The following BEST2 variants were observed in gnomAD, a reference collection of about 807,000 sequenced individuals.
BEST2 encodes bestrophin 2, also known as bestrophin-2a.
Under a neutral mutation model 49.0 loss-of-function variants are expected in BEST2, and 36 were observed. The ratio of observed to expected loss-of-function variants is 0.73; its 90% confidence interval spans 0.56 to 0.97. BEST2 has a LOEUF of 0.97. Ranked by LOEUF, BEST2 falls within the 50% of genes least tolerant of loss-of-function variation. The pLI, the probability that BEST2 is intolerant of heterozygous loss-of-function variation, is 0.00. For synonymous variants in BEST2, 335 were observed against 304.4 expected, an observed-to-expected ratio of 1.10 and a Z score of -1.05; for missense variants, 672 against 710.0, an observed-to-expected ratio of 0.95 and a Z score of 0.61.
At chr19:12,756,864 C>T (rs970841012) in intron 9 of BEST2, among the ~76,000 whole-genome samples, 3 of 151,702 alleles carry the variant, frequency 2.0e-5, no homozygotes, top group Admixed American at 1.3e-4. Context: ...AAAATAAAGG[C>T]CAGGCGCAGT....
Position 12,753,347 on chromosome 19 carries a change from C to T in BEST2, c.240C>T (p.Phe80=), listed in dbSNP as rs201108396. 1.8e-4 allele frequency: 296 copies of T among 1,613,952 alleles called. No homozygotes were observed. Among genetic ancestry groups the T allele is most frequent in the Admixed American group, 3.0e-4 (18 of 59,998 alleles). The change falls in exon 3 of 10, where the codon TTC becomes TTT. Residue 80 remains phenylalanine (F), a synonymous_variant. Transcript: ENST00000553030. ...DQYASLIPVS[F]VLGFYVTLVV... ...ATGCCAGCCTCATCCCTGTCTCCTT[C>T]GTGCTTGGTGCGGTCCAACCCCAAG...
intron 9 of BEST2, 45 bp downstream of exon 9, chr19:12,756,340 G>T (rs1365369106): frequency 6.3e-7 from 1 of 1,599,506 alleles, no homozygotes; most frequent in East Asian, 2.2e-5. Context: ...AGGGCTTATG[G>T]CTCTGCGGGG....
chr19:12,757,035 C>T (rs919304384), intron 9 of BEST2, among the ~76,000 whole-genome samples: 2 of 151,602 alleles, frequency 1.3e-5, no homozygotes, highest in Non-Finnish European at 2.9e-5. Flanking sequence ...CCCAGCTAAT[C>T]GGGAGGCTGA....
rs1967919999 is a variant in BEST2 at position 12,754,961 on chromosome 19, C to A, written c.566C>A (p.Ser189Tyr). ...TACTGGGTGCCCTGCGTCTGGTTCT[C>A]CAACCTGGCGGCACAGGCCCGACGC... ...NKYWVPCVWF[S>Y]NLAAQARREG... Residue 189 changes from serine (S) to tyrosine (Y), a missense_variant, in exon 5 of 10, where the codon TCC becomes TAC. Coordinates refer to ENST00000553030, the MANE Select transcript of BEST2 (RefSeq NM_017682.3). 6.2e-7 allele frequency: 1 copy of A among 1,613,890 alleles called. No individual in the cohort carries two copies. The highest frequency in any genetic ancestry group is 8.5e-7 in the Non-Finnish European group (1 of 1,179,922).
intron 2 of BEST2, 41 bp from the exon 3 acceptor site, chr19:12,753,219 G>A: frequency 6.3e-7 from 1 of 1,597,968 alleles, no homozygotes; most frequent in Non-Finnish European, 8.6e-7. Flanking sequence ...TGGGGATGGA[G>A]TCACCCTTGT....
At position 12,752,755 on chromosome 19, in the gene BEST2, C is replaced by T; in HGVS notation, c.152+11C>T. On this transcript the variant is annotated intron_variant, in intron 2 of 9. Coordinates refer to ENST00000553030, the MANE Select transcript of BEST2 (RefSeq NM_017682.3). Reference sequence around the variant, plus strand: ...GAGTGCTGCCTACCGGTGAGGCTGCCCTGAGGTGCTCATGTTCTAGCGGAG... The same window carrying T: ...GAGTGCTGCCTACCGGTGAGGCTGCTCTGAGGTGCTCATGTTCTAGCGGAG... 1.2e-6 allele frequency: 2 copies of T among 1,606,096 alleles called. No individual in the cohort carries two copies. The highest frequency in any genetic ancestry group is 1.7e-6 in the Non-Finnish European group (2 of 1,176,294).
Position 12,755,231 on chromosome 19 carries a change from C to G in BEST2, c.637-148C>G. On this transcript the variant is annotated intron_variant, in intron 5 of 9. Coordinates refer to ENST00000553030, the MANE Select transcript of BEST2 (RefSeq NM_017682.3). This position sits in a 1 kb window ranked among gnomAD's most constrained non-coding sequence, Gnocchi z 4.4. ...GCATGGTACCTCATCCAGGTGCACA[C>G]TCACCACCAAATACCCTCCCTGGAA... The G allele has an allele frequency of 1.9e-6, 2 of 1,036,980 alleles. No homozygotes were observed. The highest frequency in any genetic ancestry group is 2.9e-6 in the Non-Finnish European group (2 of 699,816). 64.2% of individuals were successfully genotyped at this position (1,036,980 alleles called of 1,614,324 possible).
chr19:12,752,785 G>C, intron 2 of BEST2, 41 bp downstream of exon 2: 1 of 1,533,264 alleles, frequency 6.5e-7, no homozygotes. Flanking sequence ...GCGGAGGGGG[G>C]GCAGCTATTA....
chr19:12,756,485 A>T, intron 9 of BEST2, 190 bp downstream of exon 9: 1 of 762,498 alleles, frequency 1.3e-6, no homozygotes, highest in Middle Eastern at 3.9e-4. Flanking sequence ...TGGGCCACTG[A>T]CTGGGGACAG....
At chr19:12,757,562 G>T in intron 9 of BEST2, 89 bp from the exon 10 acceptor site, 1 of 1,377,938 alleles carries the variant, frequency 7.3e-7, no homozygotes, top group Non-Finnish European at 9.7e-7. Context: ...ACAAAGCGGT[G>T]GGTGGAGTCA....
Position 12,754,924 on chromosome 19 carries a change from T to TATG in BEST2, c.529_530insATG (p.Ser177delinsTyrAla). The TATG allele has an allele frequency of 1.2e-6, 2 of 1,613,864 alleles. No individual in the cohort carries two copies. Among genetic ancestry groups the TATG allele is most frequent in the South Asian group, 2.2e-5 (2 of 91,046 alleles). On this transcript the variant is annotated protein_altering_variant, in exon 5 of 10. Coordinates refer to ENST00000553030, the MANE Select transcript of BEST2 (RefSeq NM_017682.3). The stretch of plus-strand genomic sequence containing the variant: ...CAAGAAGTTTGAAAACCTGAACTCA[T>TATG]CCTACAACAAGTACTGGGTGCCCTG...
Position 12,755,146 on chromosome 19 carries a change from C to T in BEST2, c.636+115C>T. ...CGAGGCCGATTTCAAACACCCTCAC[C>T]AGGTGCACTCTTACCTCCATGGGGC... On this transcript the variant is annotated intron_variant, in intron 5 of 9. Transcript: ENST00000553030. The surrounding 1 kb of genome is among the most constrained non-coding windows in gnomAD (Gnocchi z 4.4). 1 of 1,307,656 alleles carries T rather than the reference C, an allele frequency of 7.6e-7. No individual in the cohort carries two copies. The highest frequency in any genetic ancestry group is 1.0e-6 in the Non-Finnish European group (1 of 967,466). The allele number at this position is 1,307,656 out of a possible 1,614,324, so 81.0% of individuals were successfully genotyped here. A position where few individuals can be genotyped will look rare whatever the true frequency, so the allele number is the denominator to read the frequency against.
At chr19:12,753,456 C>T (rs1239489894) in intron 3 of BEST2, 102 bp downstream of exon 3, 2 of 1,126,524 alleles carry the variant, frequency 1.8e-6, no homozygotes, top group East Asian at 2.4e-5. Flanking sequence ...GAGATCCCCC[C>T]CCTCAAATCC....
chr19:12,756,047 T>G, intron 8 of BEST2, 94 bp from the exon 9 acceptor site: 1 of 1,596,156 alleles, frequency 6.3e-7, no homozygotes, highest in Non-Finnish European at 8.6e-7. Context: ...CAACCATCCT[T>G]CCCTCTGTGG....
At position 12,757,848 on chromosome 19, in the gene BEST2, C is replaced by T. The variant is rs1190921524; in HGVS notation, c.1301C>T (p.Ser434Leu). ...VSEASTGASC[S>L]CAVVPEGAAP... is the part of the protein sequence containing the mutation. ...GAGGCGTCTACTGGGGCCAGCTGCT[C>T]ATGCGCGGTTGTCCCCGAAGGCGCG... is the stretch of plus-strand genomic sequence containing the variant. The change falls in exon 10 of 10, where the codon TCA becomes TTA. Residue 434 changes from serine to leucine, a missense_variant. This residue lies in a region of BEST2 where 291 missense variants were observed against 279.8 expected (regional missense o/e 1.04). Coordinates refer to ENST00000553030, the MANE Select transcript of BEST2 (RefSeq NM_017682.3). 3 of 1,549,282 alleles carry T rather than the reference C, an allele frequency of 1.9e-6. No individual in the cohort carries two copies. Among genetic ancestry groups the T allele is most frequent in the East Asian group, 4.9e-5 (2 of 40,950 alleles).
At position 12,757,013 on chromosome 19, in the gene BEST2, C is replaced by T. The variant is rs939870148; in HGVS notation, c.1104-638C>T. On this transcript the variant is annotated intron_variant, in intron 9 of 9. Coordinates refer to ENST00000553030, the MANE Select transcript of BEST2 (RefSeq NM_017682.3). ...ACAAAATTAGCCGGGCTTGGTGGCT[C>T]ACGCCTGTAATCCCAGCTAATCGGG... Among the ~76,000 whole-genome samples, 16 of 152,066 alleles carry T rather than the reference C, an allele frequency of 1.1e-4. 1 individual carries two copies. Among genetic ancestry groups the T allele is most frequent in the South Asian group, 1.0e-3 (5 of 4,832 alleles).
At chr19:12,753,695 T>C (rs905143033) in intron 3 of BEST2, among the ~76,000 whole-genome samples, 6 of 152,022 alleles carry the variant, frequency 3.9e-5, no homozygotes, top group Admixed American at 1.3e-4. Flanking sequence ...AGGGACCCCA[T>C]AGGACTCCAT....
chr19:12,754,421 G>T, intron 3 of BEST2, 131 bp from the exon 4 acceptor site: 2 of 746,372 alleles, frequency 2.7e-6, no homozygotes, highest in Non-Finnish European at 4.1e-6. Flanking sequence ...CAGCCCAAAC[G>T]TGGTCAGGTT....
rs1967971058 is a variant in BEST2 at position 12,758,267 on chromosome 19, G to A, written c.*190G>A. 6.0e-6 allele frequency: 4 copies of A among 667,286 alleles called. No homozygotes were observed. The highest frequency in any genetic ancestry group is 3.2e-5 in the Admixed American group (1 of 31,370). 41.3% of individuals were successfully genotyped at this position (667,286 alleles called of 1,614,324 possible). ...TTCTTCCAGACTCTTGGACCAGCCCGCCCTGACCACCAGCTCTACTTCCCA... is the reference window on the plus strand; with the variant it reads ...TTCTTCCAGACTCTTGGACCAGCCCACCCTGACCACCAGCTCTACTTCCCA... On this transcript the variant is annotated 3_prime_UTR_variant, in exon 10 of 10. Coordinates refer to ENST00000553030, the MANE Select transcript of BEST2 (RefSeq NM_017682.3).
Sources: gnomAD v4.1 joint callset for allele counts (sites outside exome capture counted in the v4.1 genomes callset) on GRCh38, gnomAD v4.1.1 for gene constraint, gnomAD v4.1.1 regional missense constraint, Gnocchi (gnomAD v3.1) non-coding constraint, MANE v1.5 for transcripts, NCBI Gene and HGNC (gene_info 2026-07-23, HGNC 2026-07-21) for gene names.